SLC12A2: variants seen among roughly 807,000 people sequenced by gnomAD.
SLC12A2 encodes Na-K-2Cl cotransporter 1.
In SLC12A2, 67 loss-of-function variants were observed where a neutral mutation model predicts 136.3. That is an observed-to-expected ratio of 0.49 (90% CI 0.40 to 0.60). The LOEUF is 0.60. Among genes scored for constraint, SLC12A2 ranks in the 20% least tolerant of loss-of-function variants. The pLI, the probability that SLC12A2 is intolerant of heterozygous loss-of-function variation, is 0.00. For missense variants in SLC12A2, 1,322 were observed against 1,534.7 expected, an observed-to-expected ratio of 0.86 and a Z score of 2.32; for synonymous variants, 619 against 562.9, an observed-to-expected ratio of 1.10 and a Z score of -1.41.
chr5:128,143,783 CAG>C (rs1353638407), intron 10 of SLC12A2, among the ~76,000 whole-genome samples: 6 of 151,080 alleles, frequency 4.0e-5, no homozygotes, highest in African/African-American at 7.3e-5. Context: ...ATTGTATAAA[CAG>C]AATAATTTGT....
chr5:128,103,960 T>C (rs781555813), intron 1 of SLC12A2, among the ~76,000 whole-genome samples: 1 of 152,236 alleles, frequency 6.6e-6, no homozygotes, highest in Non-Finnish European at 1.5e-5. Context: ...CAGACTAATA[T>C]TTGCCTTTTC....
intron 4 of SLC12A2, among the ~76,000 whole-genome samples, chr5:128,124,406 C>T (rs556598369): frequency 2.5e-4 from 38 of 152,298 alleles, no homozygotes; most frequent in African/African-American, 8.7e-4. Flanking sequence ...AATTCCAGGC[C>T]TCCTGTACCT....
chr5:128,147,386 T>C (rs1433268961), intron 10 of SLC12A2, among the ~76,000 whole-genome samples: 1 of 151,740 alleles, frequency 6.6e-6, no homozygotes, highest in Non-Finnish European at 1.5e-5. Flanking sequence ...CATTACACTC[T>C]TCTCTCTGCC....
chr5:128,106,639 T>A (rs1183482974), intron 1 of SLC12A2, among the ~76,000 whole-genome samples: 1 of 152,224 alleles, frequency 6.6e-6, no homozygotes, highest in African/African-American at 2.4e-5. Flanking sequence ...GATACATTTT[T>A]TATTTTGTGT....
chr5:128,084,317 A>T lies in SLC12A2; in HGVS notation c.363A>T (p.Glu121Asp). ...AGAKQTPADG[E>D]ASGESEPAKG... ...CCAAGCAGACCCCCGCGGACGGGGAAGCCAGCGGCGAGAGCGAGCCGGCTA... is the reference window on the plus strand; with the variant it reads ...CCAAGCAGACCCCCGCGGACGGGGATGCCAGCGGCGAGAGCGAGCCGGCTA... Residue 121 changes from glutamate (E) to aspartate (D), a missense_variant, in exon 1 of 27, where the codon GAA (glutamate) becomes GAT (aspartate). Physicochemically the swap from Glu to Asp is conservative, Grantham distance 45. Transcript: ENST00000262461. The surrounding 1 kb of genome is among the most constrained non-coding windows in gnomAD (Gnocchi z 5.6). The T allele has an allele frequency of 6.5e-7, 1 of 1,544,378 alleles. No individual in the cohort carries two copies. The highest frequency in any genetic ancestry group is 8.7e-7 in the Non-Finnish European group (1 of 1,150,870).
At chr5:128,131,264 C>A in intron 5 of SLC12A2, 58 bp downstream of exon 5, 1 of 1,534,310 alleles carries the variant, frequency 6.5e-7, no homozygotes, top group Non-Finnish European at 9.0e-7. Context: ...GGATTATATG[C>A]CGATCACCAT....
Position 128,107,022 on chromosome 5 carries a change from A to G in SLC12A2, c.757-5792A>G, listed in dbSNP as rs144344637. ...TCCATTAAAAAAACTGAAGAGCACT[A>G]TGTATTCTATGGTGAAAGATAAGGG... On this transcript the variant is annotated intron_variant, in intron 1 of 26. Transcript: ENST00000262461. Among the ~76,000 whole-genome samples the G allele has an allele frequency of 4.5e-4, 69 of 152,232 alleles. 1 individual carries two copies. The East Asian group carries it at 0.011, about 23-fold the overall frequency.
At chr5:128,133,531 G>A (rs1353561100) in intron 5 of SLC12A2, among the ~76,000 whole-genome samples, 2 of 152,002 alleles carry the variant, frequency 1.3e-5, no homozygotes, top group Admixed American at 1.3e-4. Flanking sequence ...GTCGTCCTGA[G>A]TTATCAAAAC....
At chr5:128,170,698 G>T (rs1254215655) in intron 18 of SLC12A2, 2 of 152,132 alleles carry the variant, frequency 1.3e-5, no homozygotes, top group Non-Finnish European at 2.9e-5. Context: ...AGAAAAACTT[G>T]GGTTAAAATG....
At chr5:128,149,955 T>A (rs763056803) in intron 12 of SLC12A2, 42 bp from the exon 13 acceptor site, 5 of 1,295,830 alleles carry the variant, frequency 3.9e-6, no homozygotes, top group African/African-American at 1.5e-5. Flanking sequence ...AAAAGTTAAA[T>A]GTCTAATACG....
At chr5:128,181,438 C>G (rs1446730597) in intron 23 of SLC12A2, among the ~76,000 whole-genome samples, 3 of 152,162 alleles carry the variant, frequency 2.0e-5, no homozygotes, top group African/African-American at 4.8e-5. Flanking sequence ...CTCTCCTGCT[C>G]TCTAAGTACT....
At chr5:128,180,811 C>A (rs571446375) in intron 22 of SLC12A2, 72 bp from the exon 23 acceptor site, 1 of 869,878 alleles carries the variant, frequency 1.1e-6, no homozygotes, top group South Asian at 1.4e-5. Flanking sequence ...ACATGTTTTT[C>A]GAGACTAAAT....
intron 23 of SLC12A2, among the ~76,000 whole-genome samples, chr5:128,181,654 C>G (rs1388069172): frequency 6.6e-6 from 1 of 152,168 alleles, no homozygotes; most frequent in Non-Finnish European, 1.5e-5. Flanking sequence ...AACGACTTCT[C>G]TGCTACCTGC....
At chr5:128,154,908 T>A (rs904059655) in intron 15 of SLC12A2, among the ~76,000 whole-genome samples, 1 of 152,176 alleles carries the variant, frequency 6.6e-6, no homozygotes, top group Non-Finnish European at 1.5e-5. Context: ...TAGTAACCTT[T>A]GCGTAAAATT....
At chr5:128,133,720 G>A (rs1762099277) in intron 5 of SLC12A2, among the ~76,000 whole-genome samples, 1 of 151,954 alleles carries the variant, frequency 6.6e-6, no homozygotes, top group Non-Finnish European at 1.5e-5. Context: ...TTTGCAGAGT[G>A]GAAACAGTGT....
intron 6 of SLC12A2, 32 bp downstream of exon 6, chr5:128,134,307 T>A: frequency 9.2e-7 from 1 of 1,087,226 alleles, no homozygotes; most frequent in Non-Finnish European, 1.4e-6. Context: ...TGTAAATATT[T>A]AATACGTAAA....
In SLC12A2 at chr5:128,131,233, G is replaced by T. The variant is rs751397880; in HGVS notation, c.1188+27G>T. On this transcript the variant is annotated intron_variant, in intron 5 of 26. Coordinates refer to ENST00000262461, the MANE Select transcript of SLC12A2 (RefSeq NM_001046.3). ...TAATTCACCTTCCTTCTAGTCATTC[G>T]TTTACCAAATCTTTATTGAGGGATT... 6 of 1,611,540 alleles carry T rather than the reference G, an allele frequency of 3.7e-6. No individual in the cohort carries two copies. In the South Asian group the frequency reaches 5.5e-5, roughly 15 times the overall value.
chr5:128,131,056 T>A lies in SLC12A2; in HGVS notation c.1049-11T>A, dbSNP rs374646409. 1.7e-5 allele frequency: 27 copies of A among 1,611,692 alleles called. No individual in the cohort carries two copies. The highest frequency in any genetic ancestry group is 2.2e-5 in the Non-Finnish European group (26 of 1,179,010). On this transcript the variant is annotated splice_polypyrimidine_tract_variant and intron_variant, in intron 4 of 26. Coordinates refer to ENST00000262461, the MANE Select transcript of SLC12A2 (RefSeq NM_001046.3). Reference sequence around the variant, plus strand: ...AGTACCTGTTTTTTTTGTTTGTTTGTTTGTTTTTAGGAGGAGCATATTATT... The same window carrying A: ...AGTACCTGTTTTTTTTGTTTGTTTGATTGTTTTTAGGAGGAGCATATTATT...
At chr5:128,167,373 A>G (rs1763235519) in intron 17 of SLC12A2, among the ~76,000 whole-genome samples, 1 of 152,146 alleles carries the variant, frequency 6.6e-6, no homozygotes, top group African/African-American at 2.4e-5. Flanking sequence ...AACTGCATTC[A>G]TTTGGACTTT....
Sources: allele counts gnomAD v4.1 joint callset (sites outside exome capture counted in the v4.1 genomes callset), GRCh38; gene constraint gnomAD v4.1.1; non-coding constraint Gnocchi (gnomAD v3.1); transcripts MANE v1.5; gene names NCBI Gene and HGNC (gene_info 2026-07-23, HGNC 2026-07-21).